Variants in SNTG1 observed in about 807,000 individuals in gnomAD.
The protein encoded by SNTG1 is syntrophin gamma 1, also known as gamma-1-syntrophin.
In SNTG1, 39 loss-of-function variants were observed where a neutral mutation model predicts 74.7. The observed-to-expected ratio is 0.52, with a 90% CI of 0.40 to 0.68. SNTG1 has a LOEUF of 0.68. Among genes scored for constraint, SNTG1 ranks in the 30% least tolerant of loss-of-function variants. The probability of loss-of-function intolerance (pLI) is 0.00; values close to 1 mark genes in which losing one functional copy is unlikely to be tolerated. For missense variants in SNTG1, 685 were observed against 609.5 expected, an observed-to-expected ratio of 1.12 and a Z score of -1.30; for synonymous variants, 254 against 217.1, an observed-to-expected ratio of 1.17 and a Z score of -1.49.
At chr8:50,200,642 C>A (rs2131838734) in intron 2 of SNTG1, among the ~76,000 whole-genome samples, 1 of 152,028 alleles carries the variant, frequency 6.6e-6, no homozygotes, top group Non-Finnish European at 1.5e-5. Context: ...ACCAGAAGCA[C>A]AAGAGGAGCA....
At chr8:49,973,516 T>TAAAAAAAAA (rs879358498) in intron 1 of SNTG1, among the ~76,000 whole-genome samples, 1 of 129,986 alleles carries the variant, frequency 7.7e-6, no homozygotes. Context: ...AGCATAATAA[T>TAAAAAAAAA]AAAAAAAAAA....
chr8:49,945,378 C>G (rs747596494), intron 1 of SNTG1, among the ~76,000 whole-genome samples: 1 of 152,118 alleles, frequency 6.6e-6, no homozygotes, highest in African/African-American at 2.4e-5. Context: ...GATACAAATG[C>G]TTTATTTTTA....
At chr8:50,720,289 A>G (rs2131588792) in intron 17 of SNTG1, among the ~76,000 whole-genome samples, 1 of 151,554 alleles carries the variant, frequency 6.6e-6, no homozygotes, top group Non-Finnish European at 1.5e-5. Context: ...AACTTTCTCT[A>G]AACAAATCTA....
intron 12 of SNTG1, among the ~76,000 whole-genome samples, chr8:50,566,223 C>T (rs2094516147): frequency 6.6e-6 from 1 of 151,908 alleles, no homozygotes; most frequent in South Asian, 2.1e-4. Context: ...AGGTTTAATA[C>T]TCCAACAAAT....
intron 1 of SNTG1, among the ~76,000 whole-genome samples, chr8:50,167,185 G>A (rs1294925412): frequency 6.8e-6 from 1 of 147,232 alleles, no homozygotes; most frequent in Non-Finnish European, 1.5e-5. Flanking sequence ...TGACACGTTA[G>A]TGGGTGCAGC....
intron 2 of SNTG1, among the ~76,000 whole-genome samples, chr8:50,175,579 G>T (rs1182468591): frequency 6.6e-6 from 1 of 152,158 alleles, no homozygotes; most frequent in Non-Finnish European, 1.5e-5. Flanking sequence ...GAATTTCCCA[G>T]TGTCAGGGGC....
rs1369383156 is a variant in SNTG1, at chr8:50,708,945, C to T, written c.1251C>T (p.Ser417=). 1 of 1,613,768 alleles carries T rather than the reference C, an allele frequency of 6.2e-7. No homozygotes were observed. Among genetic ancestry groups the T allele is most frequent in the Admixed American group, 1.7e-5 (1 of 60,004 alleles). Residue 417 remains serine (S), a synonymous_variant, in exon 17 of 19, where the codon AGC becomes AGT. Coordinates refer to ENST00000642720, the MANE Select transcript of SNTG1 (RefSeq NM_018967.5). ...SHLMGLTIDF[S]TGFICFDAAT... ...TAATGGGACTCACAATTGATTTCAGCACAGGATTTATCTGCTTTGATGCTG... is the reference window on the plus strand; with the variant it reads ...TAATGGGACTCACAATTGATTTCAGTACAGGATTTATCTGCTTTGATGCTG...
At chr8:49,950,813 A>G (rs1809632631) in intron 1 of SNTG1, among the ~76,000 whole-genome samples, 2 of 152,212 alleles carry the variant, frequency 1.3e-5, no homozygotes, top group Non-Finnish European at 2.9e-5. Context: ...AAATGTGGCT[A>G]TACCAAATGC....
intron 17 of SNTG1, among the ~76,000 whole-genome samples, chr8:50,739,453 A>G (rs1276181885): frequency 6.6e-6 from 1 of 152,144 alleles, no homozygotes; most frequent in Non-Finnish European, 1.5e-5. Flanking sequence ...GAACACTTTT[A>G]CACTGTTGGT....
rs1236627228 is a variant in SNTG1, at chr8:50,478,989, A to C, written c.364-23789A>C. On this transcript the variant is annotated intron_variant, in intron 8 of 18. Transcript: ENST00000642720. Reference sequence around the variant, plus strand: ...AATACAAACTTCCAAGCTCCTCTCTAAGTAGTAAAACACATAATCTTCATA... The same window carrying C: ...AATACAAACTTCCAAGCTCCTCTCTCAGTAGTAAAACACATAATCTTCATA... Among the ~76,000 whole-genome samples, 6 of 152,184 alleles carry C rather than the reference A, an allele frequency of 3.9e-5. No individual in the cohort carries two copies. The East Asian group carries it at 1.2e-3, about 29-fold the overall frequency.
At chr8:49,961,193 G>A (rs750201047) in intron 1 of SNTG1, among the ~76,000 whole-genome samples, 12 of 152,076 alleles carry the variant, frequency 7.9e-5, no homozygotes, top group Non-Finnish European at 1.5e-4. Flanking sequence ...TCCCCCCTCA[G>A]AGCTGTTTCC....
At chr8:50,155,219 A>C (rs1452305933) in intron 1 of SNTG1, among the ~76,000 whole-genome samples, 1 of 152,206 alleles carries the variant, frequency 6.6e-6, no homozygotes, top group East Asian at 1.9e-4. Flanking sequence ...TGTTGTAAAA[A>C]TACACAGAGA....
At chr8:50,359,858 GT>G (rs1477188849) in intron 2 of SNTG1, among the ~76,000 whole-genome samples, 3 of 152,008 alleles carry the variant, frequency 2.0e-5, no homozygotes, top group African/African-American at 7.3e-5. Flanking sequence ...TAAGCTTCTA[GT>G]TTTCCATTCT....
At chr8:50,244,827 A>G (rs2086320805) in intron 2 of SNTG1, among the ~76,000 whole-genome samples, 1 of 152,212 alleles carries the variant, frequency 6.6e-6, no homozygotes, top group Non-Finnish European at 1.5e-5. Context: ...TGGCGATCAC[A>G]GAATAGATGC....
intron 15 of SNTG1, among the ~76,000 whole-genome samples, chr8:50,674,770 G>A (rs1378260534): frequency 1.3e-5 from 2 of 150,406 alleles, no homozygotes; most frequent in Non-Finnish European, 1.5e-5. Flanking sequence ...GTGTAGATTT[G>A]AGATCTTTCT....
chr8:50,222,301 G>A (rs1029021260), intron 2 of SNTG1, among the ~76,000 whole-genome samples: 1 of 152,082 alleles, frequency 6.6e-6, no homozygotes, highest in Non-Finnish European at 1.5e-5. Context: ...CTGAGGGAGG[G>A]GCTACTATCA....
At position 50,129,165 on chromosome 8, in the gene SNTG1, T is replaced by C. The variant is rs75811974; in HGVS notation, c.-102-43396T>C. 8.4e-3 allele frequency among the ~76,000 whole-genome samples: 1,280 copies of C among 152,286 alleles called. 4 individuals carry two copies. Among genetic ancestry groups the C allele is most frequent in the Middle Eastern group, 0.024 (7 of 294 alleles). ...ACTATGTGCCAAGCACTACACTAGA[T>C]ACTAAAGACATAAGAATGAATAAAT... is the stretch of plus-strand genomic sequence containing the variant. On this transcript the variant is annotated intron_variant, in intron 1 of 18. Coordinates refer to ENST00000642720, the MANE Select transcript of SNTG1 (RefSeq NM_018967.5).
At chr8:50,020,356 C>A (rs1165971900) in intron 1 of SNTG1, among the ~76,000 whole-genome samples, 1 of 152,132 alleles carries the variant, frequency 6.6e-6, no homozygotes, top group African/African-American at 2.4e-5. Flanking sequence ...ACAGACAAGG[C>A]TTCCTACACA....
chr8:50,429,666 G>T (rs1047559730), intron 4 of SNTG1, among the ~76,000 whole-genome samples: 14 of 152,150 alleles, frequency 9.2e-5, no homozygotes, highest in African/African-American at 2.9e-4. Flanking sequence ...AAACTTTTGT[G>T]CTTCAAATAA....
Sources: allele counts gnomAD v4.1 joint callset (sites outside exome capture counted in the v4.1 genomes callset), GRCh38; gene constraint gnomAD v4.1.1; transcripts MANE v1.5; gene names NCBI Gene and HGNC (gene_info 2026-07-23, HGNC 2026-07-21).